The following CADM2 variants were observed in gnomAD, a reference collection of about 807,000 sequenced individuals.
The protein encoded by CADM2 is cell adhesion molecule 2, also known as immunoglobulin superfamily member 4D.
A neutral mutation model predicts 49.8 loss-of-function variants in CADM2; 12 were observed. The observed-to-expected ratio is 0.24, with a 90% confidence interval of 0.15 to 0.39. CADM2 has a LOEUF of 0.39. Ranked by LOEUF, CADM2 falls within the 10% of genes least tolerant of loss-of-function variation. The pLI, the probability that CADM2 is intolerant of heterozygous loss-of-function variation, is 1.00. For synonymous variants in CADM2, 214 were observed against 175.4 expected (o/e 1.22, Z -1.74); for missense variants, 378 against 492.3 (o/e 0.77, Z 2.20).
chr3:85,638,335 T>G (rs1422820236), intron 1 of CADM2, among the ~76,000 whole-genome samples: 1 of 152,166 alleles, frequency 6.6e-6, no homozygotes, highest in Non-Finnish European at 1.5e-5. Flanking sequence ...ATTATAATAT[T>G]TAATTTCTGT....
At chr3:84,989,261 T>A (rs2032754790) in intron 1 of CADM2, among the ~76,000 whole-genome samples, 1 of 152,198 alleles carries the variant, frequency 6.6e-6, no homozygotes, top group African/African-American at 2.4e-5. Context: ...CACAGAGCTT[T>A]TAACCTAGAT....
chr3:85,559,676 AC>A (rs2062044064), intron 1 of CADM2, among the ~76,000 whole-genome samples: 18 of 127,490 alleles, frequency 1.4e-4, no homozygotes, highest in South Asian at 6.8e-4. Context: ...ACACACACAC[AC>A]ACACACACAC....
At chr3:85,416,562 C>T (rs993400523) in intron 1 of CADM2, among the ~76,000 whole-genome samples, 1 of 152,054 alleles carries the variant, frequency 6.6e-6, no homozygotes, top group Non-Finnish European at 1.5e-5. Context: ...ATGTTGAGGA[C>T]GTTGCTTTGT....
At chr3:85,961,854 T>A (rs79789826) in intron 8 of CADM2, among the ~76,000 whole-genome samples, 2,498 of 151,608 alleles carry the variant, frequency 0.016, 67 homozygotes, top group African/African-American at 0.058. Flanking sequence ...TACATAAAAT[T>A]TTTTTTTGTA....
chr3:85,221,212 G>A (rs556300191), intron 1 of CADM2, among the ~76,000 whole-genome samples: 6 of 152,036 alleles, frequency 3.9e-5, no homozygotes, highest in Non-Finnish European at 4.4e-5. Flanking sequence ...GTATTCAATT[G>A]CCAGCTTTGT....
intron 1 of CADM2, among the ~76,000 whole-genome samples, chr3:85,392,843 T>C (rs1201981547): frequency 6.6e-6 from 1 of 152,104 alleles, no homozygotes; most frequent in African/African-American, 2.4e-5. Flanking sequence ...CACCTGTACA[T>C]TTGTAATGAT....
chr3:85,955,986 C>G (rs1401690985), intron 7 of CADM2, among the ~76,000 whole-genome samples: 1 of 151,612 alleles, frequency 6.6e-6, no homozygotes, highest in African/African-American at 2.4e-5. Context: ...AAATAAACAT[C>G]TTTATAGTTT....
intron 1 of CADM2, among the ~76,000 whole-genome samples, chr3:85,521,913 C>T (rs1268794972): frequency 6.6e-6 from 1 of 151,980 alleles, no homozygotes; most frequent in Non-Finnish European, 1.5e-5. Context: ...GGATTCTGCC[C>T]TCTCCCTCAG....
At chr3:85,441,868 G>T (rs1295650051) in intron 1 of CADM2, among the ~76,000 whole-genome samples, 2 of 152,004 alleles carry the variant, frequency 1.3e-5, no homozygotes, top group African/African-American at 2.4e-5. Context: ...ATTGAGAGGA[G>T]TGACTAGAAG....
At chr3:85,857,227 A>C (rs573909812) in intron 3 of CADM2, among the ~76,000 whole-genome samples, 1 of 152,274 alleles carries the variant, frequency 6.6e-6, no homozygotes, top group East Asian at 1.9e-4. Flanking sequence ...CCATCACATT[A>C]GGAGGCTGGG....
intron 1 of CADM2, among the ~76,000 whole-genome samples, chr3:85,123,047 T>C (rs1326837501): frequency 6.6e-6 from 1 of 152,148 alleles, no homozygotes; most frequent in Admixed American, 6.5e-5. Context: ...ATGAAAAAGA[T>C]ACATGATATA....
rs539109580 is a variant in CADM2 at position 85,999,264 on chromosome 3, C to A, written c.970+37617C>A. 1.7e-3 allele frequency among the ~76,000 whole-genome samples: 233 copies of A among 135,162 alleles called. 1 individual carries two copies. Among genetic ancestry groups the A allele is most frequent in the Admixed American group, 4.1e-3 (51 of 12,336 alleles). The allele number at this position is 135,162 out of a possible 152,430, so 88.7% of individuals were successfully genotyped here. A position where few individuals can be genotyped will look rare whatever the true frequency, so the allele number is the denominator to read the frequency against. On this transcript the variant is annotated intron_variant, in intron 8 of 9. Transcript: ENST00000383699. ...CTGTAATCCCATCACTTTGGGAGGC[C>A]GAGGGTTGGGGGGTGGATCACTTGA...
intron 2 of CADM2, among the ~76,000 whole-genome samples, chr3:85,775,195 G>T (rs1049002922): frequency 6.6e-6 from 1 of 151,492 alleles, no homozygotes; most frequent in Admixed American, 6.6e-5. Flanking sequence ...AGGATTTTTA[G>T]TATCTAATGC....
intron 1 of CADM2, among the ~76,000 whole-genome samples, chr3:85,483,650 G>A (rs548084760): frequency 6.7e-6 from 1 of 149,678 alleles, no homozygotes; most frequent in East Asian, 2.0e-4. Context: ...TTATATATAT[G>A]TAATATATAT....
chr3:85,921,442 A>G (rs1416912388), intron 6 of CADM2, among the ~76,000 whole-genome samples: 1 of 152,012 alleles, frequency 6.6e-6, no homozygotes, highest in African/African-American at 2.4e-5. Context: ...AAAGATTGTT[A>G]TTGCTATTTA....
At chr3:85,172,592 C>T (rs778603097) in intron 1 of CADM2, among the ~76,000 whole-genome samples, 3 of 151,888 alleles carry the variant, frequency 2.0e-5, no homozygotes, top group Non-Finnish European at 4.4e-5. Flanking sequence ...GTAGGATGTG[C>T]AAGAATGGTG....
intron 1 of CADM2, among the ~76,000 whole-genome samples, chr3:85,058,298 T>C (rs2036170237): frequency 6.6e-6 from 1 of 152,126 alleles, no homozygotes; most frequent in Non-Finnish European, 1.5e-5. Context: ...TAAAAAGAAA[T>C]CTGGGAGGTT....
chr3:85,515,397 CTCTTT>C lies in CADM2; in HGVS notation c.62-211118_62-211114del, dbSNP rs982128085. On this transcript the variant is annotated intron_variant, in intron 1 of 9. Transcript: ENST00000383699. ...GATTTTCTTTTCTACCTAAGAGTTT[CTCTTT>C]TCTTTTGTTTGTTTGTTTGTTTCTT... Among the ~76,000 whole-genome samples the C allele has an allele frequency of 7.5e-5, 11 of 146,340 alleles. No homozygotes were observed. In the Middle Eastern group the frequency reaches 0.01, roughly 140 times the overall value.
intron 6 of CADM2, among the ~76,000 whole-genome samples, chr3:85,913,261 G>A (rs750744516): frequency 2.0e-5 from 3 of 152,044 alleles, no homozygotes; most frequent in Non-Finnish European, 4.4e-5. Flanking sequence ...ACCTAGCAAG[G>A]TTTTAGTAGA....
Sources: gnomAD v4.1 joint callset for allele counts (sites outside exome capture counted in the v4.1 genomes callset) on GRCh38, gnomAD v4.1.1 for gene constraint, MANE v1.5 for transcripts, NCBI Gene and HGNC (gene_info 2026-07-23, HGNC 2026-07-21) for gene names.